Variants in GNA12 observed in about 807,000 individuals in gnomAD.
GNA12 encodes G protein subunit alpha 12.
GNA12 carries 9 observed loss-of-function variants against 26.0 expected under a neutral mutation model. That is an observed-to-expected ratio of 0.35 (90% CI 0.21 to 0.60). The LOEUF (loss-of-function observed/expected upper bound fraction) is 0.60. Among genes scored for constraint, GNA12 ranks in the 20% least tolerant of loss-of-function variants. The probability of loss-of-function intolerance (pLI) is 0.78; values close to 1 mark genes in which losing one functional copy is unlikely to be tolerated. For synonymous variants in GNA12, 264 were observed against 219.6 expected (o/e 1.20, Z -1.79); for missense variants, 405 against 525.8 (o/e 0.77, Z 2.25).
chr7:2,840,479 T>C (rs775244591), intron 1 of GNA12, among the ~76,000 whole-genome samples: 2 of 152,242 alleles, frequency 1.3e-5, no homozygotes, highest in Non-Finnish European at 1.5e-5. Context: ...CTGTCAACAC[T>C]AACCCTCTAT....
intron 1 of GNA12, among the ~76,000 whole-genome samples, chr7:2,801,177 G>A (rs973510653): frequency 1.3e-5 from 2 of 152,036 alleles, no homozygotes; most frequent in Non-Finnish European, 2.9e-5. Context: ...CAACCCTCCC[G>A]CTATCCGGGA....
chr7:2,824,191 G>A (rs773938297), intron 1 of GNA12, among the ~76,000 whole-genome samples: 3 of 152,144 alleles, frequency 2.0e-5, no homozygotes, highest in South Asian at 2.1e-4. Context: ...CTGCCCCCAC[G>A]TCCACCTGGT....
intron 1 of GNA12, among the ~76,000 whole-genome samples, chr7:2,820,216 C>T (rs76772571): frequency 6.6e-6 from 1 of 152,070 alleles, no homozygotes; most frequent in South Asian, 2.1e-4. Flanking sequence ...GGTGGCCGCC[C>T]GGGGCTGGGG....
chr7:2,797,089 G>A (rs1256274324), intron 1 of GNA12, among the ~76,000 whole-genome samples: 4 of 152,200 alleles, frequency 2.6e-5, no homozygotes, highest in Non-Finnish European at 4.4e-5. Context: ...CCAGCTGAGA[G>A]CAGCATCCCA....
intron 2 of GNA12, among the ~76,000 whole-genome samples, chr7:2,738,355 G>A (rs1426026134): frequency 6.6e-6 from 1 of 152,142 alleles, no homozygotes; most frequent in African/African-American, 2.4e-5. Context: ...AGCTGTCACT[G>A]CAGGAAACGT....
At chr7:2,780,991 G>C (rs1335719193) in intron 2 of GNA12, among the ~76,000 whole-genome samples, 1 of 152,222 alleles carries the variant, frequency 6.6e-6, no homozygotes, top group African/African-American at 2.4e-5. Context: ...GAGAGTTCCT[G>C]TCATCCCACA....
At chr7:2,750,756 A>G (rs1790993930) in intron 2 of GNA12, among the ~76,000 whole-genome samples, 1 of 152,224 alleles carries the variant, frequency 6.6e-6, no homozygotes, top group Non-Finnish European at 1.5e-5. Flanking sequence ...AAGGGGGACT[A>G]TCGGACAGGC....
At chr7:2,775,111 GCA>G (rs1212056206) in intron 2 of GNA12, among the ~76,000 whole-genome samples, 4 of 152,294 alleles carry the variant, frequency 2.6e-5, no homozygotes, top group East Asian at 1.9e-4. Flanking sequence ...GACAATACAT[GCA>G]CAGAGTACCA....
intron 2 of GNA12, among the ~76,000 whole-genome samples, chr7:2,776,750 A>G (rs6967664): frequency 0.11 from 16,608 of 152,200 alleles, 1,053 homozygotes; most frequent in Middle Eastern, 0.2. Flanking sequence ...CAGTGCTGGA[A>G]GCAGAGCTGG....
chr7:2,734,419 C>A (rs760333016), intron 2 of GNA12, among the ~76,000 whole-genome samples: 1 of 152,212 alleles, frequency 6.6e-6, no homozygotes, highest in East Asian at 1.9e-4. Context: ...GACATCAGGG[C>A]TTGTGGGAAG....
In GNA12 at chr7:2,734,977, G is replaced by C. The variant is rs565527590; in HGVS notation, c.526-1476C>G. Among the ~76,000 whole-genome samples the C allele has an allele frequency of 4.3e-3, 660 of 152,322 alleles. 5 individuals carry two copies. The highest frequency in any genetic ancestry group is 0.015 in the African/African-American group (628 of 41,582). ...TCTCCCTTCCTCGCCAAGCCCCCGT[G>C]ATGTGGGAAGCCAGCGTGAGGCCGG... is the stretch of plus-strand genomic sequence containing the variant. On this transcript the variant is annotated intron_variant, in intron 2 of 3. Coordinates refer to ENST00000275364, the MANE Select transcript of GNA12 (RefSeq NM_007353.3).
At chr7:2,785,655 C>T (rs532987686) in intron 2 of GNA12, among the ~76,000 whole-genome samples, 1 of 146,522 alleles carries the variant, frequency 6.8e-6, no homozygotes, top group Admixed American at 6.7e-5. Context: ...TGTGCATATA[C>T]ACACACATTT....
chr7:2,789,339 T>G (rs1209589712), intron 2 of GNA12, among the ~76,000 whole-genome samples: 5 of 148,454 alleles, frequency 3.4e-5, no homozygotes, highest in South Asian at 2.1e-4. Context: ...GTTTCACCGT[T>G]TTAGCCGGGA....
At position 2,842,825 on chromosome 7, in the gene GNA12, T is replaced by A. The variant is rs573847550; in HGVS notation, c.309+1028A>T. ...CATGGAGGCCTCATCTTTTAGCCAC[T>A]CATATACATCCTAAAACGTTTCCTA... On this transcript the variant is annotated intron_variant, in intron 1 of 3. Transcript: ENST00000275364. Among the ~76,000 whole-genome samples the A allele has an allele frequency of 3.3e-5, 5 of 152,336 alleles. No individual in the cohort carries two copies. In the South Asian group the frequency reaches 1.0e-3, roughly 32 times the overall value.
intron 2 of GNA12, among the ~76,000 whole-genome samples, chr7:2,794,534 G>C (rs184282273): frequency 6.6e-6 from 1 of 152,242 alleles, no homozygotes; most frequent in East Asian, 1.9e-4. Flanking sequence ...ATTTGCTTCC[G>C]AGGCGCTGAT....
At chr7:2,739,677 G>A (rs1227808471) in intron 2 of GNA12, among the ~76,000 whole-genome samples, 4 of 152,076 alleles carry the variant, frequency 2.6e-5, no homozygotes, top group African/African-American at 4.8e-5. Flanking sequence ...TCCTATGGTA[G>A]TTCTTTTTTT....
chr7:2,828,609 T>C (rs1793535383), intron 1 of GNA12, among the ~76,000 whole-genome samples: 1 of 152,222 alleles, frequency 6.6e-6, no homozygotes, highest in Non-Finnish European at 1.5e-5. Flanking sequence ...CCAAGTCCTC[T>C]AGCTCCTGTT....
chr7:2,841,958 G>C (rs751389484), intron 1 of GNA12, among the ~76,000 whole-genome samples: 33 of 148,438 alleles, frequency 2.2e-4, no homozygotes, highest in Admixed American at 5.5e-4. Flanking sequence ...CCCAAAATGG[G>C]CTGGGGAAAA....
chr7:2,802,690 TA>T (rs1792841306), intron 1 of GNA12, among the ~76,000 whole-genome samples: 1 of 152,304 alleles, frequency 6.6e-6, no homozygotes, highest in South Asian at 2.1e-4. Flanking sequence ...CTCTGTTTTT[TA>T]AAAACCCACT....
Sources: gnomAD v4.1 joint callset for allele counts (sites outside exome capture counted in the v4.1 genomes callset) on GRCh38, gnomAD v4.1.1 for gene constraint, MANE v1.5 for transcripts, NCBI Gene and HGNC (gene_info 2026-07-23, HGNC 2026-07-21) for gene names.